The following SETDB2 variants were observed in gnomAD, a reference collection of about 807,000 sequenced individuals.
The protein encoded by SETDB2 is histone-lysine N-methyltransferase SETDB2.
Under a neutral mutation model 82.5 loss-of-function variants are expected in SETDB2, and 56 were observed. The ratio of observed to expected loss-of-function variants is 0.68; its 90% confidence interval spans 0.55 to 0.85. The LOEUF (loss-of-function observed/expected upper bound fraction) is 0.85, where lower values mean the gene tolerates loss of function less well. Ranked by LOEUF, SETDB2 falls within the 40% of genes least tolerant of loss-of-function variation. The pLI is 0.00. For missense variants in SETDB2, 677 were observed against 816.4 expected (o/e 0.83, Z 2.08); for synonymous variants, 272 against 284.9 (o/e 0.95, Z 0.46).
Position 49,488,578 on chromosome 13 carries a change from ATG to A in SETDB2, c.1869_1870del (p.Leu625IlefsTer14), listed in dbSNP as rs1958640924. On this transcript the variant is annotated frameshift_variant, in exon 12 of 14. Transcript: ENST00000611815. LOFTEE classifies it high-confidence loss of function. ...TCTCTAACAAAGTTCAATAAAGGGA[ATG>A]TGTTTTTATTGGATGCCACAAAAGA... The A allele has an allele frequency of 6.2e-7, 1 of 1,609,962 alleles. No individual in the cohort carries two copies. The highest frequency in any genetic ancestry group is 8.5e-7 in the Non-Finnish European group (1 of 1,178,548).
intron 11 of SETDB2, among the ~76,000 whole-genome samples, chr13:49,486,637 CT>C (rs1958603575): frequency 6.6e-6 from 1 of 152,232 alleles, no homozygotes; most frequent in Non-Finnish European, 1.5e-5. Flanking sequence ...ACACACATCA[CT>C]TTCCTGCAAT....
chr13:49,485,854 CTACATAA>C, intron 11 of SETDB2, 131 bp downstream of exon 11: 1 of 903,966 alleles, frequency 1.1e-6, no homozygotes. Flanking sequence ...TACAACTTGT[CTACATAA>C]GAGATCAGCA....
Position 49,476,681 on chromosome 13 carries a change from C to T in SETDB2, c.511C>T (p.His171Tyr), listed in dbSNP as rs1342639859. 2 of 1,614,092 alleles carry T rather than the reference C, an allele frequency of 1.2e-6. No homozygotes were observed. The highest frequency in any genetic ancestry group is 2.7e-5 in the African/African-American group (2 of 74,934). ...AAGACGACATGCAAAGACAAACTCT[C>T]ATTCTTCAGCACTCCACGTGAGTTA... Reference protein sequence around the residue: ...FQRRHAKTNSHSSALHVSYKT... With the variant: ...FQRRHAKTNSYSSALHVSYKT... The change falls in exon 6 of 14, where the codon CAT (histidine) becomes TAT (tyrosine). Residue 171 changes from histidine (H) to tyrosine (Y), a missense_variant. By Grantham distance (83) the His-to-Tyr change is moderately conservative. Transcript: ENST00000611815.
At chr13:49,446,495 A>G (rs1335822890) in intron 1 of SETDB2, 2 of 424,618 alleles carry the variant, frequency 4.7e-6, no homozygotes, top group Non-Finnish European at 9.2e-6. Context: ...TAATACTGTT[A>G]CATATTCTAT....
At chr13:49,471,762 G>A (rs1439762456) in intron 5 of SETDB2, among the ~76,000 whole-genome samples, 1 of 151,480 alleles carries the variant, frequency 6.6e-6, no homozygotes, top group Non-Finnish European at 1.5e-5. Flanking sequence ...CACTAAAATA[G>A]GAACTTAAAA....
rs762851160 is a variant in SETDB2, at chr13:49,488,520, T to C, written c.1807T>C (p.Leu603=). 62 of 1,613,860 alleles carry C rather than the reference T, an allele frequency of 3.8e-5. No homozygotes were observed. Among genetic ancestry groups the C allele is most frequent in the Non-Finnish European group, 5.1e-5 (60 of 1,179,978 alleles). The change falls in exon 12 of 14, where the codon TTG becomes CTG. Residue 603 remains leucine, a synonymous_variant. Transcript: ENST00000611815. ...QRQQVFCDEE[L]LSETKNTSSD... ...ACAGCAGGTATTTTGTGATGAAGAGTTGCTAAGTGAAACCAAGAATACTTC... is the reference window on the plus strand; with the variant it reads ...ACAGCAGGTATTTTGTGATGAAGAGCTGCTAAGTGAAACCAAGAATACTTC...
intron 12 of SETDB2, among the ~76,000 whole-genome samples, chr13:49,489,915 C>A (rs1179882642): frequency 1.2e-4 from 6 of 48,328 alleles, no homozygotes; most frequent in East Asian, 7.9e-4. Context: ...CCGCCCCCCC[C>A]CCCTTTTTTT....
At chr13:49,483,696 A>G (rs1958530536) in intron 10 of SETDB2, 133 bp downstream of exon 10, 1 of 431,666 alleles carries the variant, frequency 2.3e-6, no homozygotes. Context: ...TGGCACAGTC[A>G]CAGCTCACTG....
chr13:49,491,860 A>G lies in SETDB2; in HGVS notation c.*11A>G. On this transcript the variant is annotated 3_prime_UTR_variant, in exon 14 of 14. Transcript: ENST00000611815. Reference sequence around the variant, plus strand: ...AAAAAAATATTATAAATATGTAACTAACGCCTGTTTGTGAAATTAGCTTAT... The same window carrying G: ...AAAAAAATATTATAAATATGTAACTGACGCCTGTTTGTGAAATTAGCTTAT... 6.5e-7 allele frequency: 1 copy of G among 1,541,396 alleles called. No homozygotes were observed. Among genetic ancestry groups the G allele is most frequent in the Non-Finnish European group, 9.0e-7 (1 of 1,114,430 alleles).
intron 1 of SETDB2, among the ~76,000 whole-genome samples, chr13:49,449,211 C>T (rs997380150): frequency 1.3e-5 from 2 of 152,010 alleles, no homozygotes; most frequent in African/African-American, 2.4e-5. Flanking sequence ...TTATTCTTGT[C>T]ATTATTTAAC....
intron 8 of SETDB2, chr13:49,482,302 AAT>A: frequency 1.0e-6 from 1 of 985,458 alleles, no homozygotes; most frequent in Non-Finnish European, 1.2e-6. Flanking sequence ...TGCAGAACTT[AAT>A]ATGACAACAC....
chr13:49,490,122 CA>C (rs576576658), intron 12 of SETDB2, among the ~76,000 whole-genome samples: 163 of 149,936 alleles, frequency 1.1e-3, no homozygotes, highest in Admixed American at 3.8e-3. Flanking sequence ...ACTAAAAATA[CA>C]AAAAAAATTA....
At chr13:49,451,937 T>A in intron 2 of SETDB2, 28 bp downstream of exon 2, 5 of 1,547,384 alleles carry the variant, frequency 3.2e-6, no homozygotes, top group Non-Finnish European at 4.4e-6. Flanking sequence ...CTGTTACACT[T>A]TATATCTAAA....
intron 2 of SETDB2, among the ~76,000 whole-genome samples, chr13:49,453,141 C>A (rs943795261): frequency 1.3e-5 from 2 of 152,150 alleles, no homozygotes; most frequent in Non-Finnish European, 2.9e-5. Flanking sequence ...TCTCTCTCTT[C>A]TTCCCTGTTT....
Position 49,481,097 on chromosome 13 carries a change from A to G in SETDB2, c.1137A>G (p.Thr379=). The G allele has an allele frequency of 6.2e-7, 1 of 1,611,942 alleles. No individual in the cohort carries two copies. The highest frequency in any genetic ancestry group is 8.5e-7 in the Non-Finnish European group (1 of 1,179,238). ...VRCLDDIDRG[T]FVCIYSGRLL... ...GTCTAGATGACATTGACAGAGGGACATTTGTTTGCATTTATTCAGGTAAAG... is the reference window on the plus strand; with the variant it reads ...GTCTAGATGACATTGACAGAGGGACGTTTGTTTGCATTTATTCAGGTAAAG... The change falls in exon 8 of 14, where the codon ACA becomes ACG. Residue 379 remains threonine (T), a synonymous_variant. Transcript: ENST00000611815.
rs147059444 is a variant in SETDB2, at chr13:49,471,163, G to A, written c.305+3203G>A. The stretch of plus-strand genomic sequence containing the variant: ...TTTTAACATTTTTTTTTTTTGTAGC[G>A]ATGTGGTCTCACTATGTTGCCCAGG... On this transcript the variant is annotated intron_variant, in intron 5 of 13. Coordinates refer to ENST00000611815, the MANE Select transcript of SETDB2 (RefSeq NM_001160308.3). Among the ~76,000 whole-genome samples, 794 of 148,770 alleles carry A rather than the reference G, an allele frequency of 5.3e-3. 8 individuals are homozygous for A. The highest frequency in any genetic ancestry group is 0.019 in the African/African-American group (765 of 40,432).
At chr13:49,483,946 A>C (rs1307913097) in intron 10 of SETDB2, among the ~76,000 whole-genome samples, 5 of 152,178 alleles carry the variant, frequency 3.3e-5, no homozygotes, top group African/African-American at 1.2e-4. Context: ...GATGTAAACT[A>C]TTGCCTTCCT....
chr13:49,480,879 G>A (rs1958463753), intron 7 of SETDB2, 68 bp from the exon 8 acceptor site: 4 of 1,528,328 alleles, frequency 2.6e-6, no homozygotes, highest in Non-Finnish European at 3.6e-6. Context: ...AGTTATCAGT[G>A]TCAGTGAAGT....
intron 5 of SETDB2, among the ~76,000 whole-genome samples, chr13:49,470,059 G>A (rs1464453651): frequency 2.0e-5 from 3 of 152,058 alleles, no homozygotes; most frequent in Admixed American, 6.6e-5. Context: ...TTACAGTTTC[G>A]TACCAATGTT....
Sources: allele counts gnomAD v4.1 joint callset (sites outside exome capture counted in the v4.1 genomes callset), GRCh38; gene constraint gnomAD v4.1.1; transcripts MANE v1.5; gene names NCBI Gene and HGNC (gene_info 2026-07-23, HGNC 2026-07-21).